CDH13: variants seen among roughly 807,000 people sequenced by gnomAD.
The protein encoded by CDH13 is cadherin 13, also known as cadherin-13.
A neutral mutation model predicts 63.8 loss-of-function variants in CDH13; 24 were observed. That is an observed-to-expected ratio of 0.38 (90% CI 0.27 to 0.53). CDH13 has a LOEUF of 0.53. Ranked by LOEUF, CDH13 falls within the 20% of genes least tolerant of loss-of-function variation. CDH13 has a pLI of 0.85. For missense variants in CDH13, 1,049 were observed against 903.1 expected, an observed-to-expected ratio of 1.16 and a Z score of -2.07; for synonymous variants, 503 against 355.3, an observed-to-expected ratio of 1.42 and a Z score of -4.67.
intron 5 of CDH13, among the ~76,000 whole-genome samples, chr16:83,274,371 G>A (rs1597640177): frequency 6.6e-6 from 1 of 152,112 alleles, no homozygotes; most frequent in Non-Finnish European, 1.5e-5. Flanking sequence ...TGTTTATAAT[G>A]TTCTTCCTGC....
intron 2 of CDH13, among the ~76,000 whole-genome samples, chr16:82,863,338 C>G (rs567821391): frequency 3.9e-5 from 6 of 152,308 alleles, no homozygotes; most frequent in African/African-American, 1.4e-4. Flanking sequence ...ACACTATAAG[C>G]TCCTCTCCCT....
At chr16:83,265,996 G>T (rs1280686615) in intron 5 of CDH13, among the ~76,000 whole-genome samples, 3 of 152,002 alleles carry the variant, frequency 2.0e-5, no homozygotes, top group African/African-American at 7.2e-5. Flanking sequence ...GAGTGCAGTG[G>T]TGCAATCTTG....
chr16:82,787,011 A>G (rs1382020169), intron 1 of CDH13, among the ~76,000 whole-genome samples: 2 of 152,156 alleles, frequency 1.3e-5, no homozygotes, highest in Admixed American at 6.5e-5. Context: ...AGGATTCACA[A>G]TTTCCAGTGA....
At chr16:83,310,566 A>T (rs750445680) in intron 5 of CDH13, among the ~76,000 whole-genome samples, 1 of 152,168 alleles carries the variant, frequency 6.6e-6, no homozygotes, top group Non-Finnish European at 1.5e-5. Context: ...CACCAAGGCT[A>T]TTGCCTTTTA....
chr16:83,763,744 G>C (rs868513738), intron 11 of CDH13, among the ~76,000 whole-genome samples: 1 of 152,046 alleles, frequency 6.6e-6, no homozygotes, highest in Admixed American at 6.6e-5. Flanking sequence ...CCATCATTCC[G>C]CCTTACTTCA....
At chr16:82,773,358 A>T (rs1460474558) in intron 1 of CDH13, 2 of 152,268 alleles carry the variant, frequency 1.3e-5, no homozygotes, top group Non-Finnish European at 2.9e-5. Flanking sequence ...CAGCAAGGAC[A>T]TATGAAGGGT....
chr16:83,572,535 G>C (rs1904736294), intron 7 of CDH13, among the ~76,000 whole-genome samples: 1 of 152,086 alleles, frequency 6.6e-6, no homozygotes, highest in African/African-American at 2.4e-5. Context: ...TCAGTGTCAG[G>C]TTCGCCTCTT....
At chr16:83,265,124 CT>C (rs1907451894) in intron 5 of CDH13, among the ~76,000 whole-genome samples, 2 of 152,148 alleles carry the variant, frequency 1.3e-5, no homozygotes, top group Non-Finnish European at 2.9e-5. Context: ...CTCAAGTCGT[CT>C]GTTTGTTTGT....
intron 1 of CDH13, among the ~76,000 whole-genome samples, chr16:82,831,341 T>C (rs2038532238): frequency 6.6e-6 from 1 of 152,196 alleles, no homozygotes; most frequent in Non-Finnish European, 1.5e-5. Flanking sequence ...TCCAGAATCC[T>C]AACAATTCAG....
chr16:82,772,965 C>T (rs1478820497), intron 1 of CDH13, among the ~76,000 whole-genome samples: 2 of 152,126 alleles, frequency 1.3e-5, no homozygotes, highest in African/African-American at 4.8e-5. Context: ...ATAGGCTTAA[C>T]CATCTGGTTA....
intron 6 of CDH13, among the ~76,000 whole-genome samples, chr16:83,397,765 G>A (rs2091909588): frequency 6.6e-6 from 1 of 152,200 alleles, no homozygotes; most frequent in Admixed American, 6.5e-5. Flanking sequence ...GGACTTGGCA[G>A]AACTCTTGAT....
chr16:83,504,546 G>C (rs990911967), intron 7 of CDH13, among the ~76,000 whole-genome samples: 2 of 152,202 alleles, frequency 1.3e-5, no homozygotes, highest in African/African-American at 4.8e-5. Context: ...AAGCAGGCCA[G>C]ATCTTTATGA....
chr16:83,432,160 C>T (rs1056836738), intron 6 of CDH13, among the ~76,000 whole-genome samples: 3 of 152,156 alleles, frequency 2.0e-5, no homozygotes, highest in African/African-American at 7.2e-5. Context: ...AGTTGCACAG[C>T]TGGAAATTTC....
intron 1 of CDH13, among the ~76,000 whole-genome samples, chr16:82,629,547 A>C (rs1320401546): frequency 6.6e-6 from 1 of 152,234 alleles, no homozygotes; most frequent in Non-Finnish European, 1.5e-5. Flanking sequence ...AGAAAACAGA[A>C]GGGAAAAACA....
chr16:83,470,671 G>C (rs1476184230), intron 6 of CDH13, among the ~76,000 whole-genome samples: 1 of 152,080 alleles, frequency 6.6e-6, no homozygotes, highest in Non-Finnish European at 1.5e-5. Context: ...AATGATAATA[G>C]CAGCCACCAC....
intron 2 of CDH13, among the ~76,000 whole-genome samples, chr16:83,014,046 C>T (rs972862262): frequency 6.6e-6 from 1 of 152,196 alleles, no homozygotes; most frequent in Non-Finnish European, 1.5e-5. Context: ...ACTTTCTTCC[C>T]TCAAGAAGTT....
At chr16:83,166,568 T>G (rs1265749609) in intron 4 of CDH13, among the ~76,000 whole-genome samples, 14 of 152,124 alleles carry the variant, frequency 9.2e-5, no homozygotes, top group Non-Finnish European at 1.5e-5. Context: ...TCCATTGACA[T>G]GCCATTTGAT....
At chr16:83,761,931 G>A (rs1424256863) in intron 11 of CDH13, among the ~76,000 whole-genome samples, 2 of 152,212 alleles carry the variant, frequency 1.3e-5, no homozygotes, top group South Asian at 2.1e-4. Context: ...GCCAGGCGTG[G>A]TTGTGCATGC....
chr16:83,121,340 T>A (rs889192244), intron 3 of CDH13, among the ~76,000 whole-genome samples: 6 of 152,224 alleles, frequency 3.9e-5, no homozygotes, highest in Non-Finnish European at 8.8e-5. Flanking sequence ...TTAAATATTC[T>A]CTCTGCTAGC....
Sources: gnomAD v4.1 joint callset for allele counts (sites outside exome capture counted in the v4.1 genomes callset) on GRCh38, gnomAD v4.1.1 for gene constraint, MANE v1.5 for transcripts, NCBI Gene and HGNC (gene_info 2026-07-23, HGNC 2026-07-21) for gene names.